OGFOD3: variants seen among roughly 807,000 people sequenced by gnomAD.
OGFOD3 encodes 2-oxoglutarate and iron-dependent oxygenase domain-containing protein 3.
In OGFOD3, 35 loss-of-function variants were observed where a neutral mutation model predicts 39.8. The observed-to-expected ratio is 0.88, with a 90% CI of 0.67 to 1.17. The LOEUF is 1.17. Ranked by LOEUF, OGFOD3 falls within the 50% of genes most tolerant of loss-of-function variation. The probability of loss-of-function intolerance (pLI) is 0.00; values close to 1 mark genes in which losing one functional copy is unlikely to be tolerated. For missense variants in OGFOD3, 438 were observed against 454.5 expected (o/e 0.96, Z 0.33); for synonymous variants, 200 against 192.0 (o/e 1.04, Z -0.34).
At chr17:82,409,126 G>A (rs1468425146) in intron 4 of OGFOD3, among the ~76,000 whole-genome samples, 22 of 152,134 alleles carry the variant, frequency 1.4e-4, no homozygotes, top group Admixed American at 1.1e-3. Context: ...CAGGCAGGCC[G>A]TGACATGCCA....
Position 82,405,391 on chromosome 17 carries a change from A to T in OGFOD3, c.489-11T>A, listed in dbSNP as rs760859279. On this transcript the variant is annotated splice_polypyrimidine_tract_variant and intron_variant, in intron 5 of 8. Transcript: ENST00000313056. ...TTATCCCCGAAGTATCTGTGAAAAA[A>T]GGAGTATTCACAAAGGTCACAACAC... The T allele has an allele frequency of 2.5e-6, 4 of 1,610,412 alleles. No homozygotes were observed. In the South Asian group the frequency reaches 4.4e-5, roughly 18 times the overall value.
Position 82,390,672 on chromosome 17 carries a change from G to A in OGFOD3, c.*1726C>T. On this transcript the variant is annotated 3_prime_UTR_variant, in exon 9 of 9. Coordinates refer to ENST00000313056, the MANE Select transcript of OGFOD3 (RefSeq NM_024648.3). The surrounding 1 kb of genome is among the most constrained non-coding windows in gnomAD (Gnocchi z 4.9). ...CCGTCCTCCGCATGTGGCCCGTGGT[G>A]CAGGAGGGGCCCTGGGCAAACCAAG... 5.2e-6 allele frequency: 1 copy of A among 192,902 alleles called. No individual in the cohort carries two copies. Among genetic ancestry groups the A allele is most frequent in the Non-Finnish European group, 1.1e-5 (1 of 90,442 alleles). The allele number at this position is 192,902 out of a possible 1,614,324, so 11.9% of individuals were successfully genotyped here. A position where few individuals can be genotyped will look rare whatever the true frequency, so the allele number is the denominator to read the frequency against.
rs147179091 is a variant in OGFOD3, at chr17:82,403,503, A to G, written c.699+434T>C. ...AAAAATTAGCGAGGCCTGGTGGGGC[A>G]TGCCTGTAGTCCCAGCTACTCGGGA... On this transcript the variant is annotated intron_variant, in intron 7 of 8. Coordinates refer to ENST00000313056, the MANE Select transcript of OGFOD3 (RefSeq NM_024648.3). Among the ~76,000 whole-genome samples, 478 of 152,148 alleles carry G rather than the reference A, an allele frequency of 3.1e-3. 10 individuals carry two copies. The highest frequency in any genetic ancestry group is 4.0e-3 in the Non-Finnish European group (275 of 67,966).
In OGFOD3 at chr17:82,392,557, G is replaced by C; in HGVS notation, c.824-23C>G. On this transcript the variant is annotated intron_variant, in intron 8 of 8. Coordinates refer to ENST00000313056, the MANE Select transcript of OGFOD3 (RefSeq NM_024648.3). This position sits in a 1 kb window ranked among gnomAD's most constrained non-coding sequence, Gnocchi z 4.2. ...GACCTGGGAGAGGAGAAGAGAGAGA[G>C]GTGGCCATAGAGCCACACCCACGGC... The C allele has an allele frequency of 6.4e-7, 1 of 1,568,554 alleles. No individual in the cohort carries two copies. Among genetic ancestry groups the C allele is most frequent in the South Asian group, 1.2e-5 (1 of 85,174 alleles).
intron 8 of OGFOD3, among the ~76,000 whole-genome samples, chr17:82,395,682 G>A (rs62079525): frequency 2.8e-4 from 42 of 151,958 alleles, no homozygotes; most frequent in Admixed American, 2.6e-3. Flanking sequence ...TTAGCCGGGC[G>A]TGGTGGTAGG....
intron 8 of OGFOD3, chr17:82,396,932 C>A (rs1367397127): frequency 6.6e-6 from 1 of 152,280 alleles, no homozygotes. Flanking sequence ...GTGCCCAGGG[C>A]TGCGGCACAC....
At position 82,403,811 on chromosome 17, in the gene OGFOD3, C is replaced by T. The variant is rs2052804955; in HGVS notation, c.699+126G>A. 4 of 1,345,366 alleles carry T rather than the reference C, an allele frequency of 3.0e-6. No homozygotes were observed. In the East Asian group the frequency reaches 1.0e-4, roughly 34 times the overall value. The allele number at this position is 1,345,366 out of a possible 1,614,324, so 83.3% of individuals were successfully genotyped here. ...TCACCCTGCCCACGTACGCACTCACCCTGCCCACGGGCACGCTCACCTTGT... is the reference window on the plus strand; with the variant it reads ...TCACCCTGCCCACGTACGCACTCACTCTGCCCACGGGCACGCTCACCTTGT... On this transcript the variant is annotated intron_variant, in intron 7 of 8. Transcript: ENST00000313056.
Position 82,406,494 on chromosome 17 carries a change from G to A in OGFOD3, c.424-12C>T, listed in dbSNP as rs372013291. 6.2e-6 allele frequency: 10 copies of A among 1,613,160 alleles called. No homozygotes were observed. Among genetic ancestry groups the A allele is most frequent in the African/African-American group, 1.3e-5 (1 of 74,932 alleles). On this transcript the variant is annotated splice_polypyrimidine_tract_variant and intron_variant, in intron 4 of 8. Coordinates refer to ENST00000313056, the MANE Select transcript of OGFOD3 (RefSeq NM_024648.3). This position sits in a 1 kb window ranked among gnomAD's most constrained non-coding sequence, Gnocchi z 5.2. ...TCCAGAATGGATGCCTGGAAAAGAC[G>A]TTGTGGAGTAAAGCGTGCAGCCGCA... is the stretch of plus-strand genomic sequence containing the variant.
chr17:82,401,428 C>T (rs1200446051), intron 7 of OGFOD3: 1 of 152,110 alleles, frequency 6.6e-6, no homozygotes, highest in Non-Finnish European at 1.5e-5. Context: ...AGGCGTGAGC[C>T]ACCACACCCG....
intron 2 of OGFOD3, among the ~76,000 whole-genome samples, chr17:82,412,285 C>G (rs1014168688): frequency 8.8e-4 from 133 of 151,844 alleles, no homozygotes; most frequent in African/African-American, 3.2e-3. Flanking sequence ...GTGGTCGGGG[C>G]AGGGGCAGGG....
Position 82,404,100 on chromosome 17 carries a change from A to T in OGFOD3, c.546-10T>A. On this transcript the variant is annotated splice_polypyrimidine_tract_variant and intron_variant, in intron 6 of 8. Transcript: ENST00000313056. The surrounding 1 kb of genome is among the most constrained non-coding windows in gnomAD (Gnocchi z 4.5). Reference sequence around the variant, plus strand: ...CTTCTGCCGCACCTCCCTGCAGAGGACACAATAGCCGTCAGCGCAGCCCCA... The same window carrying T: ...CTTCTGCCGCACCTCCCTGCAGAGGTCACAATAGCCGTCAGCGCAGCCCCA... 1 of 1,579,882 alleles carries T rather than the reference A, an allele frequency of 6.3e-7. No individual in the cohort carries two copies. The highest frequency in any genetic ancestry group is 8.6e-7 in the Non-Finnish European group (1 of 1,160,908).
At chr17:82,405,856 G>GCA in intron 5 of OGFOD3, among the ~76,000 whole-genome samples, 1 of 152,132 alleles carries the variant, frequency 6.6e-6, no homozygotes, top group Non-Finnish European at 1.5e-5. Flanking sequence ...AGGCTGAGAT[G>GCA]GGAAAATTGC....
chr17:82,412,750 G>A (rs970677193), intron 2 of OGFOD3, among the ~76,000 whole-genome samples: 2 of 152,166 alleles, frequency 1.3e-5, no homozygotes, highest in African/African-American at 4.8e-5. Context: ...GGCTTCATGC[G>A]CTGGAAAGGC....
rs900558835 is a variant in OGFOD3 at position 82,404,239 on chromosome 17, C to G, written c.546-149G>C. 3.3e-6 allele frequency: 3 copies of G among 898,460 alleles called. No homozygotes were observed. Among genetic ancestry groups the G allele is most frequent in the Non-Finnish European group, 3.3e-6 (2 of 611,362 alleles). 55.7% of individuals were successfully genotyped at this position (898,460 alleles called of 1,614,324 possible). ...TCCCAAGCACACCGGGAACAGATAC[C>G]GGCTCCGCCTGGGAACGACGCGGCC... On this transcript the variant is annotated intron_variant, in intron 6 of 8. Coordinates refer to ENST00000313056, the MANE Select transcript of OGFOD3 (RefSeq NM_024648.3). The surrounding 1 kb of genome is among the most constrained non-coding windows in gnomAD (Gnocchi z 4.5).
Position 82,406,312 on chromosome 17 carries a change from G to C in OGFOD3, c.488+106C>G, listed in dbSNP as rs1211084024. 1.6e-5 allele frequency: 17 copies of C among 1,061,818 alleles called. No individual in the cohort carries two copies. In the South Asian group the frequency reaches 2.2e-4, roughly 14 times the overall value. 65.8% of individuals were successfully genotyped at this position (1,061,818 alleles called of 1,614,324 possible). ...TGAGGCCCTGAGGCTGCACCGAGCC[G>C]GATCCTCCCTCACATGTCCACGTGT... On this transcript the variant is annotated intron_variant, in intron 5 of 8. Coordinates refer to ENST00000313056, the MANE Select transcript of OGFOD3 (RefSeq NM_024648.3). This position sits in a 1 kb window ranked among gnomAD's most constrained non-coding sequence, Gnocchi z 5.2.
At chr17:82,400,195 T>C (rs534518842) in intron 7 of OGFOD3, among the ~76,000 whole-genome samples, 27 of 151,966 alleles carry the variant, frequency 1.8e-4, no homozygotes, top group Non-Finnish European at 5.9e-5. Flanking sequence ...GGGCGGTGGG[T>C]CAAGCTCCCT....
rs989478344 is a variant in OGFOD3, at chr17:82,392,598, G to A, written c.824-64C>T. ...CACCCACGGCCACAGCCTTCAGAGGGTCTGCGGTCACCTGAAAGAGCAACT... is the reference window on the plus strand; with the variant it reads ...CACCCACGGCCACAGCCTTCAGAGGATCTGCGGTCACCTGAAAGAGCAACT... On this transcript the variant is annotated intron_variant, in intron 8 of 8. Transcript: ENST00000313056. The surrounding 1 kb of genome is among the most constrained non-coding windows in gnomAD (Gnocchi z 4.2). The A allele has an allele frequency of 3.0e-5, 46 of 1,523,214 alleles. No individual in the cohort carries two copies. In the Admixed American group the frequency reaches 6.0e-4, roughly 20 times the overall value. 94.4% of individuals were successfully genotyped at this position (1,523,214 alleles called of 1,614,324 possible). A position where few individuals can be genotyped will look rare whatever the true frequency, so the allele number is the denominator to read the frequency against.
Position 82,398,304 on chromosome 17 carries a change from A to AGGAGCCGTAGGTCACCTGAGGGC in OGFOD3, c.700-8_714dup (p.Phe239AlafsTer4). ...AGGTACAGCAGCGAGGTGTAGTCGA[A>AGGAGCCGTAGGTCACCTGAGGGC]GGAGCCGTAGGTCACCTGAGGGCAG... On this transcript the variant is annotated stop_gained and frameshift_variant, in exon 8 of 9. Transcript: ENST00000313056. LOFTEE classifies it high-confidence loss of function. 1 of 1,613,924 alleles carries AGGAGCCGTAGGTCACCTGAGGGC rather than the reference A, an allele frequency of 6.2e-7. No homozygotes were observed. The highest frequency in any genetic ancestry group is 8.5e-7 in the Non-Finnish European group (1 of 1,179,940).
intron 8 of OGFOD3, chr17:82,394,333 G>C: frequency 6.5e-7 from 1 of 1,535,678 alleles, no homozygotes; most frequent in Non-Finnish European, 8.8e-7. Context: ...ATTATCACCT[G>C]CTTCCTTAAA....
Sources: gnomAD v4.1 joint callset for allele counts (sites outside exome capture counted in the v4.1 genomes callset) on GRCh38, gnomAD v4.1.1 for gene constraint, Gnocchi (gnomAD v3.1) non-coding constraint, MANE v1.5 for transcripts, NCBI Gene and HGNC (gene_info 2026-07-23, HGNC 2026-07-21) for gene names.